The following LPP variants were observed in gnomAD, a reference collection of about 807,000 sequenced individuals.
LPP encodes LIM domain containing preferred translocation partner in lipoma, also known as lipoma-preferred partner.
In LPP, 38 loss-of-function variants were observed where a neutral mutation model predicts 60.4. The ratio of observed to expected loss-of-function variants is 0.63; its 90% confidence interval spans 0.49 to 0.83. The LOEUF (loss-of-function observed/expected upper bound fraction) is 0.83. LPP is among the 40% of genes least tolerant of loss of function. LPP has a pLI of 0.00. For missense variants in LPP, 902 were observed against 783.6 expected (o/e 1.15, Z -1.80); for synonymous variants, 328 against 290.8 (o/e 1.13, Z -1.30).
chr3:188,743,932 C>T (rs1253057967), intron 8 of LPP: 8 of 151,790 alleles, frequency 5.3e-5, no homozygotes, highest in Admixed American at 5.3e-4. Context: ...CATGCGTCTT[C>T]TTTCTCTTTA....
intron 1 of LPP, among the ~76,000 whole-genome samples, chr3:188,178,389 GT>G (rs1208485898): frequency 6.6e-6 from 1 of 151,964 alleles, no homozygotes; most frequent in Admixed American, 6.5e-5. Flanking sequence ...TTTTTTTTCT[GT>G]TGCCCAGGGA....
chr3:188,868,180 C>T (rs1024036101), intron 10 of LPP, among the ~76,000 whole-genome samples: 1 of 152,174 alleles, frequency 6.6e-6, no homozygotes, highest in African/African-American at 2.4e-5. Flanking sequence ...TGTTCTGTTA[C>T]TGTTTCTCTC....
chr3:188,640,407 T>G, intron 7 of LPP, among the ~76,000 whole-genome samples: 1 of 145,192 alleles, frequency 6.9e-6, no homozygotes, highest in Admixed American at 6.8e-5. Flanking sequence ...TTGGGAGATA[T>G]ACCTAATGCT....
chr3:188,823,220 GCCA>G (rs1156514786), intron 9 of LPP, among the ~76,000 whole-genome samples: 6 of 152,118 alleles, frequency 3.9e-5, no homozygotes, highest in African/African-American at 1.4e-4. Context: ...TCCCCTAGTA[GCCA>G]GACAGAAAGC....
In LPP at chr3:188,492,996, GCT is replaced by G. The variant is rs373444370; in HGVS notation, c.306+8293_306+8294del. Among the ~76,000 whole-genome samples, 340 of 152,238 alleles carry G rather than the reference GCT, an allele frequency of 2.2e-3. 6 individuals are homozygous for G. Among genetic ancestry groups the G allele is most frequent in the African/African-American group, 7.9e-3 (327 of 41,528 alleles). On this transcript the variant is annotated intron_variant, in intron 5 of 11. Transcript: ENST00000617246. ...AATAAACTGTAACTTTTACCTGTTT[GCT>G]GTGCTATTTTCTATTTACTATCTTT... is the stretch of plus-strand genomic sequence containing the variant.
intron 3 of LPP, among the ~76,000 whole-genome samples, chr3:188,390,562 G>A (rs1779451193): frequency 6.6e-6 from 1 of 151,414 alleles, no homozygotes; most frequent in South Asian, 2.1e-4. Flanking sequence ...GCCCTGGCCT[G>A]CAGCCACTGC....
At chr3:188,488,598 C>G (rs758405469) in intron 5 of LPP, among the ~76,000 whole-genome samples, 1 of 151,826 alleles carries the variant, frequency 6.6e-6, no homozygotes, top group Admixed American at 6.6e-5. Context: ...TGCTCTGAGT[C>G]TCAGCCTTGG....
chr3:188,843,308 G>A (rs1760501354), intron 9 of LPP, among the ~76,000 whole-genome samples: 1 of 152,068 alleles, frequency 6.6e-6, no homozygotes, highest in African/African-American at 2.4e-5. Context: ...TTCTACTAGC[G>A]TCATGTGAAG....
chr3:188,457,041 T>C (rs1272017665), intron 4 of LPP, among the ~76,000 whole-genome samples: 1 of 152,204 alleles, frequency 6.6e-6, no homozygotes, highest in Non-Finnish European at 1.5e-5. Flanking sequence ...GAATTTTACA[T>C]CTGTAAGATA....
At chr3:188,169,789 G>A (rs16863064) in intron 1 of LPP, among the ~76,000 whole-genome samples, 1 of 152,076 alleles carries the variant, frequency 6.6e-6, no homozygotes, top group Non-Finnish European at 1.5e-5. Flanking sequence ...CCCTGGCCAC[G>A]AACCTCCCAC....
intron 2 of LPP, among the ~76,000 whole-genome samples, chr3:188,287,735 G>T (rs115341352): frequency 0.033 from 4,959 of 152,252 alleles, 164 homozygotes; most frequent in African/African-American, 0.081. Context: ...GTAAAGGCAA[G>T]GAGTAATCGT....
intron 2 of LPP, among the ~76,000 whole-genome samples, chr3:188,249,566 A>C (rs1301110438): frequency 6.6e-6 from 1 of 152,120 alleles, no homozygotes; most frequent in Non-Finnish European, 1.5e-5. Flanking sequence ...TATGAAATAA[A>C]ATTGCTTGTG....
In LPP at chr3:188,524,675, G is replaced by C. The variant is rs148870842; in HGVS notation, c.317G>C (p.Gly106Ala). 1.2e-6 allele frequency: 2 copies of C among 1,613,374 alleles called. No homozygotes were observed. Among genetic ancestry groups the C allele is most frequent in the African/African-American group, 2.7e-5 (2 of 74,868 alleles). ...EEAFKVQGNP[G>A]GKTLEERRSS... ...TGTTGCTTCCAACAGGGGAATCCCG[G>C]AGGCAAGACACTTGAGGAGAGGCGC... The change falls in exon 6 of 12, where the codon GGA becomes GCA. Residue 106 changes from glycine (G) to alanine (A), a missense_variant. Gly to Ala is a moderately conservative substitution (Grantham distance 60). Transcript: ENST00000617246.
chr3:188,875,731 T>A lies in LPP; in HGVS notation c.*1252T>A, dbSNP rs1160602548. The A allele has an allele frequency of 5.0e-6, 1 of 201,188 alleles. No homozygotes were observed. Among genetic ancestry groups the A allele is most frequent in the Non-Finnish European group, 1.0e-5 (1 of 97,456 alleles). 12.5% of individuals were successfully genotyped at this position (201,188 alleles called of 1,614,324 possible). A position where few individuals can be genotyped will look rare whatever the true frequency, so the allele number is the denominator to read the frequency against. ...TGAAACAAAAATTGTCTTTATGAGCTAAAAATATGCAGAATCTCTGCCTAG... is the reference window on the plus strand; with the variant it reads ...TGAAACAAAAATTGTCTTTATGAGCAAAAAATATGCAGAATCTCTGCCTAG... On this transcript the variant is annotated 3_prime_UTR_variant, in exon 12 of 12. Coordinates refer to ENST00000617246, the MANE Select transcript of LPP (RefSeq NM_001375462.1).
At chr3:188,460,817 G>C (rs1798807023) in intron 4 of LPP, among the ~76,000 whole-genome samples, 1 of 152,152 alleles carries the variant, frequency 6.6e-6, no homozygotes, top group African/African-American at 2.4e-5. Context: ...TCCATGAATG[G>C]AGTGGAGTTA....
intron 6 of LPP, among the ~76,000 whole-genome samples, chr3:188,577,502 C>G (rs143123881): frequency 3.4e-4 from 52 of 151,658 alleles, no homozygotes; most frequent in African/African-American, 1.2e-3. Flanking sequence ...TTTAAATTTT[C>G]TCTAATGAGC....
chr3:188,262,648 C>T (rs58624989), intron 2 of LPP, among the ~76,000 whole-genome samples: 24,624 of 151,734 alleles, frequency 0.16, 2,909 homozygotes, highest in African/African-American at 0.34. Flanking sequence ...TCTCTCTCTT[C>T]TCTGTCTCTC....
chr3:188,593,856 T>C (rs1839453503), intron 6 of LPP, among the ~76,000 whole-genome samples: 1 of 152,196 alleles, frequency 6.6e-6, no homozygotes, highest in Non-Finnish European at 1.5e-5. Flanking sequence ...TGATGGGCAT[T>C]TGGGTTGGTT....
intron 9 of LPP, among the ~76,000 whole-genome samples, chr3:188,817,888 A>G (rs144115497): frequency 6.6e-6 from 1 of 152,338 alleles, no homozygotes; most frequent in East Asian, 1.9e-4. Flanking sequence ...TTAAGAGTTT[A>G]CGTTTTTGTT....
Sources: gnomAD v4.1 joint callset for allele counts (sites outside exome capture counted in the v4.1 genomes callset) on GRCh38, gnomAD v4.1.1 for gene constraint, MANE v1.5 for transcripts, NCBI Gene and HGNC (gene_info 2026-07-23, HGNC 2026-07-21) for gene names.